Variants in IQCH observed in about 807,000 individuals in gnomAD.
IQCH encodes the protein IQ motif containing H.
In IQCH, 98 loss-of-function variants were observed where a neutral mutation model predicts 117.0. The ratio of observed to expected loss-of-function variants is 0.84; its 90% CI spans 0.71 to 0.99. IQCH has a LOEUF of 0.99. Among genes scored for constraint, IQCH ranks in the 50% least tolerant of loss-of-function variants. The pLI is 0.00. For synonymous variants in IQCH, 412 were observed against 448.2 expected (o/e 0.92, Z 1.02); for missense variants, 1,102 against 1,243.8 (o/e 0.89, Z 1.72).
intron 4 of IQCH, among the ~76,000 whole-genome samples, chr15:67,323,939 C>CTTTTTTTTTTTTTTTTTTTTTTTTT (rs530534537): frequency 1.6e-5 from 1 of 64,366 alleles, no homozygotes; most frequent in Non-Finnish European, 2.8e-5. Context: ...TTAAGCATTT[C>CTTTTTTTTTTTTTTTTTTTTTTTTT]TTTTTTTTTT....
intron 8 of IQCH, among the ~76,000 whole-genome samples, chr15:67,362,211 A>G (rs547335297): frequency 1.3e-5 from 2 of 152,158 alleles, no homozygotes; most frequent in Middle Eastern, 3.4e-3. Context: ...AAAAAATTAA[A>G]CAAAAATGTG....
chr15:67,446,614 G>C (rs2082398289), intron 16 of IQCH, among the ~76,000 whole-genome samples: 1 of 152,150 alleles, frequency 6.6e-6, no homozygotes, highest in Admixed American at 6.5e-5. Flanking sequence ...CCGGGATGTA[G>C]AACATTTACT....
At position 67,500,794 on chromosome 15, in the gene IQCH, AG is replaced by A; in HGVS notation, c.*51del. The A allele has an allele frequency of 9.8e-7, 1 of 1,017,002 alleles. No individual in the cohort carries two copies. The highest frequency in any genetic ancestry group is 1.6e-5 in the South Asian group (1 of 61,608). The allele number at this position is 1,017,002 out of a possible 1,614,324, so 63.0% of individuals were successfully genotyped here. ...ATTTGGATCCCAGTCTGGAATAAAA[AG>A]GGCAATTTTTTTTTCTGTTAGAAAT... On this transcript the variant is annotated 3_prime_UTR_variant, in exon 21 of 21. Transcript: ENST00000335894. The surrounding 1 kb of genome is among the most constrained non-coding windows in gnomAD (Gnocchi z 4.4).
intron 4 of IQCH, among the ~76,000 whole-genome samples, chr15:67,319,240 AAGAG>A (rs907325373): frequency 1.3e-5 from 2 of 152,134 alleles, no homozygotes; most frequent in Non-Finnish European, 2.9e-5. Context: ...AAGAAAGAGA[AAGAG>A]AGAAAGAAAT....
rs1022892575 is a variant in IQCH, at chr15:67,417,668, T to A, written c.2218+617T>A. Among the ~76,000 whole-genome samples, 2 of 152,106 alleles carry A rather than the reference T, an allele frequency of 1.3e-5. No individual in the cohort carries two copies. Among genetic ancestry groups the A allele is most frequent in the Non-Finnish European group, 2.9e-5 (2 of 68,020 alleles). On this transcript the variant is annotated intron_variant, in intron 15 of 20. Transcript: ENST00000335894. The surrounding 1 kb of genome is among the most constrained non-coding windows in gnomAD (Gnocchi z 4.3). ...TTTCCTAACAACATTGGGTGGTCTATGAATGAGGGAATGAATGGAGTGAAT... is the reference window on the plus strand; with the variant it reads ...TTTCCTAACAACATTGGGTGGTCTAAGAATGAGGGAATGAATGGAGTGAAT...
intron 4 of IQCH, among the ~76,000 whole-genome samples, chr15:67,311,511 G>C (rs551992161): frequency 6.7e-6 from 1 of 149,436 alleles, no homozygotes; most frequent in African/African-American, 2.4e-5. Context: ...ATTGTTTCCA[G>C]TGTTGGTTTA....
chr15:67,481,226 C>A lies in IQCH; in HGVS notation c.2799+5408C>A, dbSNP rs2083329479. 6.6e-6 allele frequency among the ~76,000 whole-genome samples: 1 copy of A among 152,052 alleles called. No homozygotes were observed. Among genetic ancestry groups the A allele is most frequent in the African/African-American group, 2.4e-5 (1 of 41,382 alleles). ...TTCTCATGCTGCTATAAAGAAATACCCAAGACTGGGTAATTTATAAAAGAA... is the reference window on the plus strand; with the variant it reads ...TTCTCATGCTGCTATAAAGAAATACACAAGACTGGGTAATTTATAAAAGAA... On this transcript the variant is annotated intron_variant, in intron 18 of 20. Transcript: ENST00000335894. This position sits in a 1 kb window ranked among gnomAD's most constrained non-coding sequence, Gnocchi z 4.1.
intron 6 of IQCH, among the ~76,000 whole-genome samples, chr15:67,352,042 C>A (rs1215395635): frequency 1.3e-5 from 2 of 151,970 alleles, no homozygotes; most frequent in African/African-American, 4.8e-5. Context: ...GTTGCTATTT[C>A]ATTTTCTTTC....
At chr15:67,489,333 A>C (rs1555515254) in intron 18 of IQCH, among the ~76,000 whole-genome samples, 1 of 139,968 alleles carries the variant, frequency 7.1e-6, no homozygotes, top group Non-Finnish European at 1.5e-5. Flanking sequence ...GCGCCCGGCC[A>C]ATTTTTTTTG....
In IQCH at chr15:67,325,916, T is replaced by C. The variant is rs181432467; in HGVS notation, c.388-11059T>C. On this transcript the variant is annotated intron_variant, in intron 4 of 20. Coordinates refer to ENST00000335894, the MANE Select transcript of IQCH (RefSeq NM_001031715.3). The stretch of plus-strand genomic sequence containing the variant: ...AAATTTCTTTCCTCAAAATATTTAA[T>C]ATTAATTAGAGATTTAGAATATTTT... Among the ~76,000 whole-genome samples the C allele has an allele frequency of 4.8e-3, 736 of 152,320 alleles. 4 individuals are homozygous for C. The highest frequency in any genetic ancestry group is 0.017 in the African/African-American group (712 of 41,574).
At chr15:67,262,890 C>T (rs895055018) in intron 2 of IQCH, among the ~76,000 whole-genome samples, 1 of 151,346 alleles carries the variant, frequency 6.6e-6, no homozygotes, top group Non-Finnish European at 1.5e-5. Context: ...AAAAAAAAAA[C>T]AAAAAAGAGT....
At chr15:67,307,218 AT>A in intron 4 of IQCH, 2 of 795,372 alleles carry the variant, frequency 2.5e-6, no homozygotes, top group South Asian at 1.1e-4. Flanking sequence ...ATATAATGCA[AT>A]GTAAACTTAG....
rs550085565 is a variant in IQCH at position 67,377,901 on chromosome 15, C to A, written c.1372+4468C>A. Among the ~76,000 whole-genome samples the A allele has an allele frequency of 1.0e-3, 156 of 152,044 alleles. 1 individual carries two copies. Among genetic ancestry groups the A allele is most frequent in the African/African-American group, 3.6e-3 (148 of 41,452 alleles). On this transcript the variant is annotated intron_variant, in intron 10 of 20. Transcript: ENST00000335894. ...CTGTGCCCTATTTTAGCAAGTTATT[C>A]TTGGGGTTAAAACAAGTAGTGGTCT...
At chr15:67,339,607 GAT>G (rs1969050328) in intron 5 of IQCH, among the ~76,000 whole-genome samples, 1 of 152,214 alleles carries the variant, frequency 6.6e-6, no homozygotes, top group African/African-American at 2.4e-5. Flanking sequence ...GCTAGGCTCA[GAT>G]ATTCACTGGA....
At chr15:67,310,227 C>T (rs1237889786) in intron 4 of IQCH, among the ~76,000 whole-genome samples, 2 of 151,876 alleles carry the variant, frequency 1.3e-5, no homozygotes. Flanking sequence ...AGAAGAATAC[C>T]TACATATTTC....
intron 14 of IQCH, among the ~76,000 whole-genome samples, chr15:67,410,462 T>A (rs574089817): frequency 6.6e-6 from 1 of 152,322 alleles, no homozygotes; most frequent in Admixed American, 6.5e-5. Flanking sequence ...TTGTCCCTGC[T>A]CAAGGCAATA....
intron 4 of IQCH, among the ~76,000 whole-genome samples, chr15:67,302,851 C>T (rs1008508338): frequency 2.6e-5 from 4 of 151,918 alleles, no homozygotes; most frequent in Admixed American, 6.6e-5. Context: ...AGCGAGACTC[C>T]GTCTCAAAAC....
Position 67,342,214 on chromosome 15 carries a change from C to T in IQCH, c.509-1849C>T, listed in dbSNP as rs769717375. On this transcript the variant is annotated intron_variant, in intron 5 of 20. Transcript: ENST00000335894. The surrounding 1 kb of genome is among the most constrained non-coding windows in gnomAD (Gnocchi z 4.7). ...CCCAGGTATTCAAGGGTGCAGTGAG[C>T]TATGATGGTGCCACTGCACTCCAAC... Among the ~76,000 whole-genome samples, 8 of 152,022 alleles carry T rather than the reference C, an allele frequency of 5.3e-5. No individual in the cohort carries two copies. The highest frequency in any genetic ancestry group is 3.9e-4 in the East Asian group (2 of 5,176).
intron 14 of IQCH, among the ~76,000 whole-genome samples, chr15:67,410,463 C>G (rs559890582): frequency 6.6e-6 from 1 of 152,290 alleles, no homozygotes; most frequent in South Asian, 2.1e-4. Flanking sequence ...TGTCCCTGCT[C>G]AAGGCAATAG....
Sources: gnomAD v4.1 joint callset for allele counts (sites outside exome capture counted in the v4.1 genomes callset) on GRCh38, gnomAD v4.1.1 for gene constraint, Gnocchi (gnomAD v3.1) non-coding constraint, MANE v1.5 for transcripts, NCBI Gene and HGNC (gene_info 2026-07-23, HGNC 2026-07-21) for gene names.